Variants in ADGRF5 observed in about 807,000 individuals in gnomAD.
ADGRF5 encodes the protein adhesion G protein-coupled receptor F5, also known as G-protein coupled receptor 116.
A neutral mutation model predicts 132.3 loss-of-function variants in ADGRF5; 75 were observed. That is an observed-to-expected ratio of 0.57 (90% CI 0.47 to 0.69). The LOEUF (loss-of-function observed/expected upper bound fraction) is 0.69, where lower values mean the gene tolerates loss of function less well. ADGRF5 is among the 30% of genes least tolerant of loss of function. The pLI, the probability that ADGRF5 is intolerant of heterozygous loss-of-function variation, is 0.00. For synonymous variants in ADGRF5, 629 were observed against 597.6 expected, an observed-to-expected ratio of 1.05 and a Z score of -0.77; for missense variants, 1,516 against 1,630.6, an observed-to-expected ratio of 0.93 and a Z score of 1.21.
At chr6:46,877,291 C>CTTTCTTTCTTTCTT (rs780750764) in intron 10 of ADGRF5, among the ~76,000 whole-genome samples, 30 of 62,220 alleles carry the variant, frequency 4.8e-4, no homozygotes, top group African/African-American at 8.1e-4. Context: ...TTCTTTCTTT[C>CTTTCTTTCTTTCTT]TCTCTCTCTC....
rs1773267431 is a variant in ADGRF5 at position 46,888,358 on chromosome 6, A to G, written c.305T>C (p.Ile102Thr). The change falls in exon 4 of 21, where the codon ATT becomes ACT. Residue 102 changes from isoleucine (I) to threonine (T), a missense_variant. This residue lies in a region of ADGRF5 where 945 missense variants were observed against 929.4 expected (regional missense o/e 1.02). Coordinates refer to ENST00000283296, the MANE Select transcript of ADGRF5 (RefSeq NM_001098518.2). ...HGNNTDQITDILSINVTTVCR... is the reference protein window; with the variant it reads ...HGNNTDQITDTLSINVTTVCR... ...ACCTGTTGTCACATTTATGCTCAAA[A>G]TGTCGGTAATTTGGTCAGTGTTATT... 1 of 1,611,040 alleles carries G rather than the reference A, an allele frequency of 6.2e-7. No individual in the cohort carries two copies. The highest frequency in any genetic ancestry group is 1.1e-5 in the South Asian group (1 of 90,998).
chr6:46,910,892 A>G (rs192983635), intron 1 of ADGRF5, among the ~76,000 whole-genome samples: 4 of 152,282 alleles, frequency 2.6e-5, no homozygotes, highest in African/African-American at 9.6e-5. Flanking sequence ...TAATTTCAAA[A>G]TTGGGATGCA....
intron 20 of ADGRF5, 111 bp downstream of exon 20, chr6:46,855,863 G>C (rs1289556136): frequency 1.4e-6 from 1 of 696,166 alleles, no homozygotes; most frequent in Non-Finnish European, 2.6e-6. Flanking sequence ...CCCAAAAGAG[G>C]ACATTTCAGG....
chr6:46,887,800 G>C (rs1305894495), intron 4 of ADGRF5: 1 of 152,342 alleles, frequency 6.6e-6, no homozygotes, highest in African/African-American at 2.4e-5. Context: ...AAGTTAGCAT[G>C]ACCTTGGAAA....
intron 1 of ADGRF5, among the ~76,000 whole-genome samples, chr6:46,910,640 A>G (rs1304075057): frequency 6.6e-6 from 1 of 152,138 alleles, no homozygotes; most frequent in African/African-American, 2.4e-5. Flanking sequence ...AAAGCAGTCT[A>G]TTCTCCTGAG....
chr6:46,907,596 C>A (rs1775523721), intron 1 of ADGRF5, among the ~76,000 whole-genome samples: 1 of 152,028 alleles, frequency 6.6e-6, no homozygotes, highest in African/African-American at 2.4e-5. Flanking sequence ...CATTTTTTCA[C>A]TTAAAAAGTA....
intron 3 of ADGRF5, among the ~76,000 whole-genome samples, chr6:46,892,710 A>G (rs1773774884): frequency 6.6e-6 from 1 of 152,186 alleles, no homozygotes; most frequent in Admixed American, 6.5e-5. Context: ...AGATTGCGCC[A>G]CTGCACTCCA....
At chr6:46,873,168 G>A (rs1387081556) in intron 10 of ADGRF5, among the ~76,000 whole-genome samples, 1 of 151,864 alleles carries the variant, frequency 6.6e-6, no homozygotes, top group Non-Finnish European at 1.5e-5. Context: ...TTTCCTCCCA[G>A]ATTTCCTCCC....
chr6:46,943,772 A>G (rs764619662), intron 1 of ADGRF5, among the ~76,000 whole-genome samples: 1 of 152,212 alleles, frequency 6.6e-6, no homozygotes, highest in Non-Finnish European at 1.5e-5. Context: ...TCTTGTCACT[A>G]TACCATATTA....
chr6:46,875,713 G>C (rs1771582094), intron 10 of ADGRF5, among the ~76,000 whole-genome samples: 2 of 152,268 alleles, frequency 1.3e-5, no homozygotes, highest in South Asian at 4.1e-4. Flanking sequence ...AGGAGCGGAG[G>C]TTGCAGTGAG....
intron 9 of ADGRF5, among the ~76,000 whole-genome samples, 167 bp downstream of exon 9, chr6:46,879,651 G>A (rs1198512415): frequency 1.3e-5 from 2 of 152,128 alleles, no homozygotes; most frequent in Non-Finnish European, 2.9e-5. Flanking sequence ...TGTAAAAATG[G>A]ACTAATACAT....
upstream of ADGRF5, chr6:46,921,951 C>T (rs142687239): frequency 1.3e-5 from 2 of 152,332 alleles, no homozygotes; most frequent in African/African-American, 4.8e-5. Context: ...CCCTGAGAGC[C>T]GCGCTGCTGT....
chr6:46,893,776 C>G (rs1193041528), intron 3 of ADGRF5, among the ~76,000 whole-genome samples: 5 of 152,140 alleles, frequency 3.3e-5, no homozygotes, highest in Non-Finnish European at 1.5e-5. Context: ...GTAGCCAATT[C>G]CAGGTGTCAT....
At chr6:46,883,488 T>G in intron 6 of ADGRF5, 71 bp downstream of exon 6, 1 of 744,076 alleles carries the variant, frequency 1.3e-6, no homozygotes, top group Non-Finnish European at 2.3e-6. Context: ...GCCATGTTCA[T>G]TGTGAATGCA....
chr6:46,943,675 A>G (rs1778184500), intron 1 of ADGRF5, among the ~76,000 whole-genome samples: 1 of 152,240 alleles, frequency 6.6e-6, no homozygotes. Flanking sequence ...AGGTTAAACA[A>G]CTTGCCAAAC....
intron 1 of ADGRF5, among the ~76,000 whole-genome samples, chr6:46,945,739 A>G (rs1224644923): frequency 1.3e-5 from 2 of 152,242 alleles, no homozygotes; most frequent in African/African-American, 4.8e-5. Flanking sequence ...CACGCTGCTA[A>G]TAAAGACATA....
At chr6:46,941,468 AAGAAAAGAAAAG>A (rs1778083381) in intron 1 of ADGRF5, among the ~76,000 whole-genome samples, 2 of 126,618 alleles carry the variant, frequency 1.6e-5, no homozygotes, top group African/African-American at 5.4e-5. Flanking sequence ...AAAGAAAAGA[AAGAAAAGAAAAG>A]AAAAGAAAGA....
At chr6:46,891,070 T>G (rs1773597182) in intron 3 of ADGRF5, among the ~76,000 whole-genome samples, 1 of 152,226 alleles carries the variant, frequency 6.6e-6, no homozygotes, top group Non-Finnish European at 1.5e-5. Context: ...GCTTCTGCAA[T>G]TAACTCAGCC....
chr6:46,942,868 G>A (rs1039859359), intron 1 of ADGRF5, among the ~76,000 whole-genome samples: 6 of 152,182 alleles, frequency 3.9e-5, no homozygotes, highest in African/African-American at 1.2e-4. Context: ...GTGTGTCTGC[G>A]TGTGTGCATG....
Sources: gnomAD v4.1 joint callset for allele counts (sites outside exome capture counted in the v4.1 genomes callset) on GRCh38, gnomAD v4.1.1 for gene constraint, gnomAD v4.1.1 regional missense constraint, MANE v1.5 for transcripts, NCBI Gene and HGNC (gene_info 2026-07-23, HGNC 2026-07-21) for gene names.